SCFD2: variants seen among roughly 807,000 people sequenced by gnomAD.
SCFD2 encodes sec1 family domain-containing protein 2.
SCFD2 carries 54 observed loss-of-function variants against 58.9 expected under a neutral mutation model. The observed-to-expected ratio is 0.92, with a 90% CI of 0.74 to 1.15. The LOEUF (loss-of-function observed/expected upper bound fraction) is 1.15. Among genes scored for constraint, SCFD2 ranks in the 50% most tolerant of loss-of-function variants. The probability of loss-of-function intolerance (pLI) is 0.00; values close to 1 mark genes in which losing one functional copy is unlikely to be tolerated. For missense variants in SCFD2, 805 were observed against 836.6 expected (o/e 0.96, Z 0.47); for synonymous variants, 321 against 335.9 (o/e 0.96, Z 0.49).
At chr4:52,940,271 C>A (rs991495561) in intron 5 of SCFD2, among the ~76,000 whole-genome samples, 2 of 152,100 alleles carry the variant, frequency 1.3e-5, no homozygotes, top group Non-Finnish European at 2.9e-5. Flanking sequence ...CAGCCAAGGA[C>A]CCCAGAATGG....
chr4:52,877,591 C>A (rs1182292048), intron 8 of SCFD2, among the ~76,000 whole-genome samples: 1 of 152,232 alleles, frequency 6.6e-6, no homozygotes, highest in East Asian at 1.9e-4. Context: ...TCAATGTGAA[C>A]ATCTTCGTAA....
chr4:52,949,750 C>T (rs1487835085), intron 5 of SCFD2: 1 of 152,218 alleles, frequency 6.6e-6, no homozygotes. Flanking sequence ...AGACCTAATG[C>T]TCCAGGAAAA....
At chr4:53,295,977 G>A (rs1267691548) in intron 3 of SCFD2, among the ~76,000 whole-genome samples, 1 of 152,178 alleles carries the variant, frequency 6.6e-6, no homozygotes, top group Non-Finnish European at 1.5e-5. Flanking sequence ...TTGTATTCCT[G>A]GGATGAAGCT....
chr4:53,150,378 A>C (rs1458722508), intron 4 of SCFD2, among the ~76,000 whole-genome samples: 2 of 152,194 alleles, frequency 1.3e-5, no homozygotes, highest in Non-Finnish European at 2.9e-5. Flanking sequence ...CCCAAGATGA[A>C]GCAAGGAGAA....
At chr4:53,045,410 C>T (rs1238299052) in intron 5 of SCFD2, among the ~76,000 whole-genome samples, 6 of 152,092 alleles carry the variant, frequency 3.9e-5, no homozygotes, top group East Asian at 1.9e-4. Flanking sequence ...TAGTATTCTA[C>T]GGCCAATGTA....
intron 3 of SCFD2, among the ~76,000 whole-genome samples, chr4:53,289,785 GA>G (rs1331754358): frequency 6.6e-6 from 1 of 152,108 alleles, no homozygotes; most frequent in Non-Finnish European, 1.5e-5. Flanking sequence ...AGAGAAGGAA[GA>G]AGATAATTCC....
chr4:52,985,701 G>A (rs1419278337), intron 5 of SCFD2, among the ~76,000 whole-genome samples: 3 of 85,542 alleles, frequency 3.5e-5, no homozygotes, highest in Non-Finnish European at 9.3e-5. Context: ...AATATCAAAT[G>A]TTTATGATTT....
At chr4:53,046,132 T>G (rs998401381) in intron 5 of SCFD2, among the ~76,000 whole-genome samples, 1 of 152,216 alleles carries the variant, frequency 6.6e-6, no homozygotes, top group Non-Finnish European at 1.5e-5. Flanking sequence ...GGTTGAAATA[T>G]CCATACTAAA....
intron 3 of SCFD2, among the ~76,000 whole-genome samples, chr4:53,286,402 C>A (rs1731670446): frequency 6.6e-6 from 1 of 152,064 alleles, no homozygotes; most frequent in Non-Finnish European, 1.5e-5. Flanking sequence ...TTCTAACCCC[C>A]AAGGACCTGA....
chr4:53,007,845 A>G (rs915746829), intron 5 of SCFD2, among the ~76,000 whole-genome samples: 2 of 152,214 alleles, frequency 1.3e-5, no homozygotes, highest in Non-Finnish European at 2.9e-5. Context: ...TACATGAGAG[A>G]GCATTTTTAG....
At chr4:53,011,645 C>T (rs1164314562) in intron 5 of SCFD2, among the ~76,000 whole-genome samples, 5 of 152,162 alleles carry the variant, frequency 3.3e-5, no homozygotes, top group African/African-American at 1.2e-4. Context: ...TTAAATAACT[C>T]CATTCTTCTC....
At chr4:53,216,685 C>A (rs1254173165) in intron 4 of SCFD2, among the ~76,000 whole-genome samples, 1 of 152,140 alleles carries the variant, frequency 6.6e-6, no homozygotes, top group South Asian at 2.1e-4. Context: ...TCGCCTTCTG[C>A]TAGCTTTTGA....
chr4:52,971,867 T>A (rs1721111348), intron 5 of SCFD2, among the ~76,000 whole-genome samples: 1 of 152,216 alleles, frequency 6.6e-6, no homozygotes, highest in East Asian at 1.9e-4. Context: ...ATATTCAACA[T>A]TCTTAAAGAA....
intron 4 of SCFD2, among the ~76,000 whole-genome samples, chr4:53,243,444 T>A (rs1729963677): frequency 6.6e-6 from 1 of 152,004 alleles, no homozygotes; most frequent in Non-Finnish European, 1.5e-5. Context: ...GAATTAATAA[T>A]TACCAGACCT....
At chr4:53,216,454 C>T (rs1489814703) in intron 4 of SCFD2, among the ~76,000 whole-genome samples, 1 of 152,158 alleles carries the variant, frequency 6.6e-6, no homozygotes, top group Non-Finnish European at 1.5e-5. Flanking sequence ...ATAGTATTCT[C>T]TGATAGTAGT....
intron 5 of SCFD2, among the ~76,000 whole-genome samples, chr4:52,947,707 C>A (rs535960742): frequency 6.7e-6 from 1 of 149,718 alleles, no homozygotes; most frequent in Non-Finnish European, 1.5e-5. Context: ...AAATGGTGTT[C>A]GCAAAAAAAC....
chr4:52,884,089 C>A (rs1243175507), intron 8 of SCFD2, among the ~76,000 whole-genome samples: 1 of 152,220 alleles, frequency 6.6e-6, no homozygotes, highest in Non-Finnish European at 1.5e-5. Context: ...GGTTACTGAG[C>A]CACTGCCATG....
At chr4:53,165,192 T>C (rs938149268) in intron 4 of SCFD2, among the ~76,000 whole-genome samples, 1 of 152,220 alleles carries the variant, frequency 6.6e-6, no homozygotes, top group Non-Finnish European at 1.5e-5. Context: ...ACTTGGAGGA[T>C]GGCACAAAGG....
chr4:53,364,941 T>C (rs1734649516), intron 1 of SCFD2, among the ~76,000 whole-genome samples, 163 bp downstream of exon 1: 1 of 152,256 alleles, frequency 6.6e-6, no homozygotes. Flanking sequence ...TGTATTCCAC[T>C]TTAGACAATA....
Sources: gnomAD v4.1 joint callset for allele counts (sites outside exome capture counted in the v4.1 genomes callset) on GRCh38, gnomAD v4.1.1 for gene constraint, MANE v1.5 for transcripts, NCBI Gene and HGNC (gene_info 2026-07-23, HGNC 2026-07-21) for gene names.